RIMS1: variants seen among roughly 807,000 people sequenced by gnomAD.
RIMS1 encodes the protein regulating synaptic membrane exocytosis 1.
Under a neutral mutation model 214.1 loss-of-function variants are expected in RIMS1, and 83 were observed. The observed-to-expected ratio is 0.39, with a 90% CI of 0.32 to 0.47. The LOEUF is 0.47. Among genes scored for constraint, RIMS1 ranks in the 20% least tolerant of loss-of-function variants. The pLI, the probability that RIMS1 is intolerant of heterozygous loss-of-function variation, is 0.99. For synonymous variants in RIMS1, 793 were observed against 786.8 expected (o/e 1.01, Z -0.13); for missense variants, 2,050 against 2,161.8 (o/e 0.95, Z 1.03).
intron 29 of RIMS1, among the ~76,000 whole-genome samples, chr6:72,385,684 T>C (rs2098585586): frequency 6.6e-6 from 1 of 152,230 alleles, no homozygotes; most frequent in South Asian, 2.1e-4. Flanking sequence ...ATTGCTGTAT[T>C]ACCAGCATCT....
intron 22 of RIMS1, 58 bp downstream of exon 22, chr6:72,266,107 C>A: frequency 7.9e-7 from 1 of 1,268,784 alleles, no homozygotes. Context: ...TTTTTTCAGT[C>A]ACTTTGTTTT....
chr6:71,955,020 A>G (rs1316946775), intron 1 of RIMS1, among the ~76,000 whole-genome samples: 1 of 152,158 alleles, frequency 6.6e-6, no homozygotes, highest in Non-Finnish European at 1.5e-5. Flanking sequence ...AAAATATTTG[A>G]AATACATCCA....
intron 29 of RIMS1, among the ~76,000 whole-genome samples, chr6:72,385,230 C>T (rs754911905): frequency 2.6e-5 from 4 of 152,124 alleles, no homozygotes; most frequent in South Asian, 2.1e-4. Flanking sequence ...TAATTAATAA[C>T]GATGGCATTC....
At chr6:72,127,128 G>A (rs571486013) in intron 4 of RIMS1, among the ~76,000 whole-genome samples, 51 of 152,166 alleles carry the variant, frequency 3.4e-4, no homozygotes, top group African/African-American at 1.2e-3. Context: ...CATCACCAGA[G>A]TATTTTTCCA....
At chr6:72,151,824 G>C (rs2043636459) in intron 4 of RIMS1, among the ~76,000 whole-genome samples, 1 of 152,186 alleles carries the variant, frequency 6.6e-6, no homozygotes, top group South Asian at 2.1e-4. Context: ...GTAAGGAAAA[G>C]AAGTTTAACT....
chr6:72,019,119 A>G (rs1313971224), intron 2 of RIMS1, among the ~76,000 whole-genome samples: 1 of 152,184 alleles, frequency 6.6e-6, no homozygotes, highest in Non-Finnish European at 1.5e-5. Context: ...AAAATTCCTT[A>G]TGTGGTATTA....
chr6:72,291,316 A>C (rs1234834849), intron 25 of RIMS1, among the ~76,000 whole-genome samples: 1 of 152,166 alleles, frequency 6.6e-6, no homozygotes, highest in Non-Finnish European at 1.5e-5. Flanking sequence ...AGTCCGCTTA[A>C]TCCTGGGCAG....
intron 1 of RIMS1, among the ~76,000 whole-genome samples, chr6:71,926,200 G>A (rs1781520351): frequency 6.6e-6 from 1 of 152,078 alleles, no homozygotes; most frequent in Non-Finnish European, 1.5e-5. Flanking sequence ...CAAAGTGCTG[G>A]GATTACAGGT....
At chr6:72,202,292 C>G (rs1414118470) in intron 6 of RIMS1, among the ~76,000 whole-genome samples, 2 of 152,188 alleles carry the variant, frequency 1.3e-5, no homozygotes, top group Non-Finnish European at 2.9e-5. Context: ...GGCTGGAAGT[C>G]TGAGATCAGG....
chr6:72,131,443 TC>T (rs1436178546), intron 4 of RIMS1, among the ~76,000 whole-genome samples: 20 of 152,174 alleles, frequency 1.3e-4, no homozygotes, highest in African/African-American at 4.6e-4. Flanking sequence ...AAGCTGGGCG[TC>T]CGGGGGAGAC....
At chr6:72,095,869 A>G (rs900309921) in intron 2 of RIMS1, among the ~76,000 whole-genome samples, 2 of 152,238 alleles carry the variant, frequency 1.3e-5, no homozygotes, top group Non-Finnish European at 2.9e-5. Context: ...AAACTAGCTC[A>G]GATACCCAGA....
intron 29 of RIMS1, among the ~76,000 whole-genome samples, chr6:72,356,674 C>T (rs561012106): frequency 7.2e-5 from 11 of 152,056 alleles, no homozygotes; most frequent in African/African-American, 2.4e-4. Flanking sequence ...GCAGGAGAAT[C>T]GCTTGAACCC....
At chr6:72,119,924 A>T (rs1253656356) in intron 4 of RIMS1, among the ~76,000 whole-genome samples, 2 of 151,474 alleles carry the variant, frequency 1.3e-5, no homozygotes, top group South Asian at 2.1e-4. Context: ...TGTCCTTGTG[A>T]TAGTTTCCTC....
intron 1 of RIMS1, among the ~76,000 whole-genome samples, chr6:71,952,086 A>T (rs1789780434): frequency 6.6e-6 from 1 of 152,104 alleles, no homozygotes; most frequent in Non-Finnish European, 1.5e-5. Flanking sequence ...CCTGACCCTG[A>T]CTTACAATGT....
chr6:72,378,541 C>A (rs1238387494), intron 29 of RIMS1, among the ~76,000 whole-genome samples: 1 of 152,166 alleles, frequency 6.6e-6, no homozygotes, highest in Non-Finnish European at 1.5e-5. Flanking sequence ...TAGAAAAGGA[C>A]ACCTCAGGGC....
At chr6:71,919,240 T>TG (rs1395637188) in intron 1 of RIMS1, among the ~76,000 whole-genome samples, 2 of 151,814 alleles carry the variant, frequency 1.3e-5, no homozygotes, top group Admixed American at 1.3e-4. Flanking sequence ...GAGAGATAGG[T>TG]GGGAAAAATT....
At chr6:72,002,992 C>G (rs1304270753) in intron 2 of RIMS1, among the ~76,000 whole-genome samples, 1 of 152,184 alleles carries the variant, frequency 6.6e-6, no homozygotes, top group African/African-American at 2.4e-5. Flanking sequence ...CACAGGTATG[C>G]TTTCTAGCCA....
chr6:72,095,046 G>A (rs936173694), intron 2 of RIMS1, among the ~76,000 whole-genome samples: 1 of 150,958 alleles, frequency 6.6e-6, no homozygotes, highest in African/African-American at 2.4e-5. Context: ...CTACCTCCCG[G>A]GTTCATGCCA....
At chr6:72,350,876 G>C (rs1321695197) in intron 29 of RIMS1, among the ~76,000 whole-genome samples, 1 of 152,110 alleles carries the variant, frequency 6.6e-6, no homozygotes, top group African/African-American at 2.4e-5. Flanking sequence ...ATAAAAGGCT[G>C]ATCAGATTGG....
Sources: gnomAD v4.1 joint callset for allele counts (sites outside exome capture counted in the v4.1 genomes callset) on GRCh38, gnomAD v4.1.1 for gene constraint, MANE v1.5 for transcripts, NCBI Gene and HGNC (gene_info 2026-07-23, HGNC 2026-07-21) for gene names.